The following SRGAP1 variants were observed in gnomAD, a reference collection of about 807,000 sequenced individuals.
SRGAP1 encodes the protein SLIT-ROBO Rho GTPase activating protein 1.
A neutral mutation model predicts 121.9 loss-of-function variants in SRGAP1; 43 were observed. The ratio of observed to expected loss-of-function variants is 0.35; its 90% CI spans 0.28 to 0.46. SRGAP1 has a LOEUF of 0.46. Among genes scored for constraint, SRGAP1 ranks in the 20% least tolerant of loss-of-function variants. The pLI, the probability that SRGAP1 is intolerant of heterozygous loss-of-function variation, is 1.00. For synonymous variants in SRGAP1, 447 were observed against 485.4 expected, an observed-to-expected ratio of 0.92 and a Z score of 1.04; for missense variants, 1,102 against 1,350.9, an observed-to-expected ratio of 0.82 and a Z score of 2.89.
At chr12:64,068,336 GA>G (rs903038590) in intron 8 of SRGAP1, among the ~76,000 whole-genome samples, 5 of 147,548 alleles carry the variant, frequency 3.4e-5, no homozygotes, top group East Asian at 2.0e-4. Flanking sequence ...TCTGGCCCAT[GA>G]AAAAAAAATT....
intron 6 of SRGAP1, among the ~76,000 whole-genome samples, chr12:64,060,204 T>C (rs900356186): frequency 2.8e-5 from 4 of 142,808 alleles, no homozygotes; most frequent in African/African-American, 5.6e-5. Flanking sequence ...TTTCTTTTTT[T>C]CTTTTTTTTT....
At chr12:64,009,482 A>T (rs1012204569) in intron 3 of SRGAP1, among the ~76,000 whole-genome samples, 2 of 152,136 alleles carry the variant, frequency 1.3e-5, no homozygotes, top group African/African-American at 2.4e-5. Context: ...AATACTGTTT[A>T]TATGTGGTAG....
chr12:64,139,481 C>T (rs1354661699), intron 21 of SRGAP1, among the ~76,000 whole-genome samples: 1 of 152,140 alleles, frequency 6.6e-6, no homozygotes, highest in East Asian at 1.9e-4. Flanking sequence ...TTGCATTTCT[C>T]TGATGGCCAG....
At chr12:63,913,094 A>T (rs1358791362) in intron 1 of SRGAP1, among the ~76,000 whole-genome samples, 1 of 151,184 alleles carries the variant, frequency 6.6e-6, no homozygotes, top group African/African-American at 2.4e-5. Flanking sequence ...ATGCAATGAC[A>T]TAGAAATTCT....
intron 15 of SRGAP1, among the ~76,000 whole-genome samples, chr12:64,107,930 G>A (rs1160822864): frequency 6.6e-6 from 1 of 152,144 alleles, no homozygotes; most frequent in Admixed American, 6.6e-5. Context: ...TTATGAAACA[G>A]AAAACAGACT....
intron 1 of SRGAP1, among the ~76,000 whole-genome samples, chr12:63,934,320 C>T (rs1337898433): frequency 2.0e-5 from 3 of 152,278 alleles, no homozygotes; most frequent in African/African-American, 7.2e-5. Flanking sequence ...TCCCGTACTG[C>T]CAGCTGCTTT....
intron 21 of SRGAP1, among the ~76,000 whole-genome samples, chr12:64,137,752 A>T (rs1409038334): frequency 1.6e-4 from 25 of 152,090 alleles, no homozygotes. Context: ...CAATAGCCGC[A>T]GCCTCAAAGT....
intron 1 of SRGAP1, among the ~76,000 whole-genome samples, chr12:63,856,991 T>G (rs1899273267): frequency 6.6e-6 from 1 of 152,232 alleles, no homozygotes; most frequent in African/African-American, 2.4e-5. Flanking sequence ...TATTTTTGTT[T>G]AGATTTATAT....
intron 1 of SRGAP1, among the ~76,000 whole-genome samples, chr12:63,878,538 A>G (rs1225437435): frequency 2.0e-5 from 3 of 152,148 alleles, no homozygotes; most frequent in African/African-American, 4.8e-5. Flanking sequence ...GTGTGTGTGT[A>G]GAGTATGTAT....
intron 1 of SRGAP1, among the ~76,000 whole-genome samples, chr12:63,979,783 A>C (rs1456480386): frequency 6.6e-6 from 1 of 152,230 alleles, no homozygotes; most frequent in African/African-American, 2.4e-5. Context: ...ATTCAGGTCA[A>C]TACTAACCTA....
intron 8 of SRGAP1, among the ~76,000 whole-genome samples, chr12:64,075,366 C>T (rs868156735): frequency 6.6e-6 from 1 of 152,184 alleles, no homozygotes; most frequent in African/African-American, 2.4e-5. Context: ...CCGACTTGGG[C>T]GGGCCAGGTG....
chr12:64,110,810 C>T (rs1033621182), intron 16 of SRGAP1, among the ~76,000 whole-genome samples: 1 of 152,126 alleles, frequency 6.6e-6, no homozygotes, highest in African/African-American at 2.4e-5. Flanking sequence ...TTTGTATTTT[C>T]TACTTCCTAG....
intron 6 of SRGAP1, among the ~76,000 whole-genome samples, chr12:64,062,712 T>G (rs1393349870): frequency 6.6e-6 from 1 of 151,862 alleles, no homozygotes; most frequent in African/African-American, 2.4e-5. Flanking sequence ...AGACGGGGGG[T>G]CTTCAATTTT....
intron 3 of SRGAP1, among the ~76,000 whole-genome samples, chr12:64,014,597 T>C (rs1431592506): frequency 6.6e-6 from 1 of 152,152 alleles, no homozygotes; most frequent in Admixed American, 6.5e-5. Context: ...TCTGTACATG[T>C]AGCCCTGAAC....
intron 1 of SRGAP1, among the ~76,000 whole-genome samples, chr12:63,939,265 G>A (rs2031774985): frequency 6.6e-6 from 1 of 152,008 alleles, no homozygotes. Flanking sequence ...TCCCAAGACA[G>A]ATCTCAGACT....
rs377520467 is a variant in SRGAP1 at position 64,118,710 on chromosome 12, CTTATTTAT to C, written c.2224+2841_2224+2848del. ...GCTGTTTATATGTCTTCTTTGGTGCCTTATTTATTTATTTATTTATTTATTTATTTAGA... is the reference window on the plus strand; with the variant it reads ...GCTGTTTATATGTCTTCTTTGGTGCCTTATTTATTTATTTATTTATTTAGA... On this transcript the variant is annotated intron_variant, in intron 18 of 21. Coordinates refer to ENST00000355086, the MANE Select transcript of SRGAP1 (RefSeq NM_020762.4). Among the ~76,000 whole-genome samples, 76 of 150,462 alleles carry C rather than the reference CTTATTTAT, an allele frequency of 5.1e-4. No individual in the cohort carries two copies. The South Asian group carries it at 0.013, about 27-fold the overall frequency.
intron 1 of SRGAP1, among the ~76,000 whole-genome samples, chr12:63,880,377 G>A (rs1046456658): frequency 1.3e-5 from 2 of 151,942 alleles, no homozygotes; most frequent in East Asian, 1.9e-4. Flanking sequence ...GATTACAGAC[G>A]CATGCCACCC....
At chr12:64,036,260 T>C (rs1490445256) in intron 4 of SRGAP1, among the ~76,000 whole-genome samples, 1 of 152,106 alleles carries the variant, frequency 6.6e-6, no homozygotes, top group Non-Finnish European at 1.5e-5. Context: ...TGTGGCTGTG[T>C]TAGGTTCCTG....
intron 1 of SRGAP1, among the ~76,000 whole-genome samples, chr12:63,881,051 A>G (rs939774300): frequency 3.3e-5 from 5 of 152,228 alleles, no homozygotes; most frequent in African/African-American, 1.2e-4. Context: ...TTAAATGCGC[A>G]TAACCCAAGA....
Sources: allele counts gnomAD v4.1 joint callset (sites outside exome capture counted in the v4.1 genomes callset), GRCh38; gene constraint gnomAD v4.1.1; transcripts MANE v1.5; gene names NCBI Gene and HGNC (gene_info 2026-07-23, HGNC 2026-07-21).